The following KCNA7 variants were observed in gnomAD, a reference collection of about 807,000 sequenced individuals.
KCNA7 encodes potassium voltage-gated channel subfamily A member 7.
Under a neutral mutation model 21.5 loss-of-function variants are expected in KCNA7, and 15 were observed. That is an observed-to-expected ratio of 0.70 (90% confidence interval 0.47 to 1.07). KCNA7 has a LOEUF of 1.07. Among genes scored for constraint, KCNA7 ranks in the 50% least tolerant of loss-of-function variants. The pLI is 0.00. For synonymous variants in KCNA7, 298 were observed against 291.0 expected (o/e 1.02, Z -0.24); for missense variants, 640 against 651.6 (o/e 0.98, Z 0.19).
In KCNA7 at chr19:49,072,062, G is replaced by C. The variant is rs769999721; in HGVS notation, c.524C>G (p.Thr175Arg). Residue 175 changes from threonine (T) to arginine (R), a missense_variant, in exon 1 of 2, where the codon ACG (threonine) becomes AGG (arginine). Transcript: ENST00000221444. The part of the protein sequence containing the change: ...LPDFRDDRDG[T>R]GLAAAAAAGP... ...GGCTGCGGCTGCAGCAGCAAGCCCC[G>C]TGCCGTCGCGGTCGTCGCGGAAGTC... 44 of 1,608,436 alleles carry C rather than the reference G, an allele frequency of 2.7e-5. No homozygotes were observed. The highest frequency in any genetic ancestry group is 3.5e-5 in the Non-Finnish European group (41 of 1,178,432).
chr19:49,070,222 C>A lies in KCNA7; in HGVS notation c.1212G>T (p.Glu404Asp). Residue 404 changes from glutamate to aspartate, a missense_variant, in exon 2 of 2, where the codon GAG (glutamate) becomes GAT (aspartate). Transcript: ENST00000221444. This position sits in a 1 kb window ranked among gnomAD's most constrained non-coding sequence, Gnocchi z 4.3. ...VSNFSYFYHR[E>D]TEGEEAGMFS... Reference sequence around the variant, plus strand: ...ACATCCCAGCCTCTTCGCCCTCTGTCTCCCGGTGATAAAAGTAGCTGAAAT... The same window carrying A: ...ACATCCCAGCCTCTTCGCCCTCTGTATCCCGGTGATAAAAGTAGCTGAAAT... 6.2e-7 allele frequency: 1 copy of A among 1,614,238 alleles called. No homozygotes were observed. Among genetic ancestry groups the A allele is most frequent in the Non-Finnish European group, 8.5e-7 (1 of 1,180,046 alleles).
Position 49,069,736 on chromosome 19 carries a change from G to A in KCNA7, c.*327C>T, listed in dbSNP as rs2040242722. On this transcript the variant is annotated 3_prime_UTR_variant, in exon 2 of 2. Coordinates refer to ENST00000221444, the MANE Select transcript of KCNA7 (RefSeq NM_031886.3). Reference sequence around the variant, plus strand: ...CCCAACCAAACCCAACACTGACCTAGGAAACTCACAAAATGATACGACCAA... The same window carrying A: ...CCCAACCAAACCCAACACTGACCTAAGAAACTCACAAAATGATACGACCAA... The A allele has an allele frequency of 3.5e-6, 1 of 289,064 alleles. No individual in the cohort carries two copies. Among genetic ancestry groups the A allele is most frequent in the African/African-American group, 2.2e-5 (1 of 45,922 alleles). 17.9% of individuals were successfully genotyped at this position (289,064 alleles called of 1,614,324 possible).
intron 1 of KCNA7, among the ~76,000 whole-genome samples, chr19:49,071,748 C>A (rs2040258835): frequency 6.6e-6 from 1 of 152,094 alleles, no homozygotes; most frequent in Non-Finnish European, 1.5e-5. Flanking sequence ...TCAGGCTCTC[C>A]TTGGCCCCCC....
At position 49,072,061 on chromosome 19, in the gene KCNA7, C is replaced by G. The variant is rs748689298; in HGVS notation, c.525G>C (p.Thr175=). ...LPDFRDDRDG[T]GLAAAAAAGP... The stretch of plus-strand genomic sequence containing the variant: ...CGGCTGCGGCTGCAGCAGCAAGCCC[C>G]GTGCCGTCGCGGTCGTCGCGGAAGT... Residue 175 remains threonine (T), a synonymous_variant, in exon 1 of 2, where the codon ACG becomes ACC. Coordinates refer to ENST00000221444, the MANE Select transcript of KCNA7 (RefSeq NM_031886.3). The G allele has an allele frequency of 6.2e-6, 10 of 1,608,264 alleles. No individual in the cohort carries two copies. The highest frequency in any genetic ancestry group is 2.2e-5 in the South Asian group (2 of 90,750).
Position 49,072,252 on chromosome 19 carries a change from A to T in KCNA7, c.334T>A (p.Cys112Ser). ...AGGGGGCGCTCGGGCGGCACCGGGC[A>T]GCCCTCGTCCTCGCGCAGGCGTGCC... ...ALARLREDEG[C>S]PVPPERPLPR... The change falls in exon 1 of 2, where the codon TGC becomes AGC. Residue 112 changes from cysteine to serine, a missense_variant. Coordinates refer to ENST00000221444, the MANE Select transcript of KCNA7 (RefSeq NM_031886.3). 1 of 1,587,792 alleles carries T rather than the reference A, an allele frequency of 6.3e-7. No homozygotes were observed. Among genetic ancestry groups the T allele is most frequent in the East Asian group, 2.3e-5 (1 of 43,492 alleles).
chr19:49,072,408 G>A lies in KCNA7; in HGVS notation c.178C>T (p.Arg60Trp), dbSNP rs780734696. 32 of 1,583,232 alleles carry A rather than the reference G, an allele frequency of 2.0e-5. No individual in the cohort carries two copies. Among genetic ancestry groups the A allele is most frequent in the Non-Finnish European group, 2.5e-5 (29 of 1,171,838 alleles). ...DDARREYFFD[R>W]HRPSFDAVLY... Reference sequence around the variant, plus strand: ...ACGGCGTCGAAGCTGGGCCGGTGCCGGTCGAAGAAATACTCGCGGCGCGCG... The same window carrying A: ...ACGGCGTCGAAGCTGGGCCGGTGCCAGTCGAAGAAATACTCGCGGCGCGCG... The change falls in exon 1 of 2, where the codon CGG (arginine) becomes TGG (tryptophan). Residue 60 changes from arginine (R) to tryptophan (W), a missense_variant. Transcript: ENST00000221444.
At position 49,072,466 on chromosome 19, in the gene KCNA7, C is replaced by G; in HGVS notation, c.120G>C (p.Gly40=). ...AGAAGCGGCCGCGGCGCGCTGGGTC[C>G]CCTAGCAGAGTGTCCGGGAAGCGGC... The part of the protein sequence containing the change: ...TLGRFPDTLL[G]DPARRGRFYD... The change falls in exon 1 of 2, where the codon GGG becomes GGC. Residue 40 remains glycine, a synonymous_variant. Transcript: ENST00000221444. 8 of 1,564,344 alleles carry G rather than the reference C, an allele frequency of 5.1e-6. No individual in the cohort carries two copies. Among genetic ancestry groups the G allele is most frequent in the Non-Finnish European group, 6.9e-6 (8 of 1,165,114 alleles).
In KCNA7 at chr19:49,072,365, GA is replaced by G. The variant is rs751259765; in HGVS notation, c.220del (p.Ser74ProfsTer74). The G allele has an allele frequency of 1.4e-5, 22 of 1,594,228 alleles. No individual in the cohort carries two copies. In the Admixed American group the frequency reaches 1.9e-4, roughly 14 times the overall value. On this transcript the variant is annotated frameshift_variant, in exon 1 of 2. Coordinates refer to ENST00000221444, the MANE Select transcript of KCNA7 (RefSeq NM_031886.3). LOFTEE classifies it high-confidence loss of function. ...CGCCGGCCGCCGCAGCCGCCCACCG[GA>G]CTGGTAGTAGTAGAGCACGGCGTCG... is the stretch of plus-strand genomic sequence containing the variant. ...SFDAVLYYYQSGGRLRRPAHV... is the reference protein window; with the variant it reads ...SFDAVLYYYQXGGRLRRPAHV...
rs777084632 is a variant in KCNA7, at chr19:49,070,158, C to T, written c.1276G>A (p.Gly426Ser). Reference sequence around the variant, plus strand: ...TCCACCAGCCCCCCATTGGCCTTGCCCTCCAGTGGGCCACAAGGCTGCATG... The same window carrying T: ...TCCACCAGCCCCCCATTGGCCTTGCTCTCCAGTGGGCCACAAGGCTGCATG... ...VDMQPCGPLEGKANGGLVDGE... is the reference protein window; with the variant it reads ...VDMQPCGPLESKANGGLVDGE... The change falls in exon 2 of 2, where the codon GGC becomes AGC. Residue 426 changes from glycine to serine, a missense_variant. Coordinates refer to ENST00000221444, the MANE Select transcript of KCNA7 (RefSeq NM_031886.3). This position sits in a 1 kb window ranked among gnomAD's most constrained non-coding sequence, Gnocchi z 4.3. 4 of 1,614,060 alleles carry T rather than the reference C, an allele frequency of 2.5e-6. No homozygotes were observed. The Admixed American group carries it at 5.0e-5, about 20-fold the overall frequency.
rs550411591 is a variant in KCNA7, at chr19:49,067,976, T to G, written c.*2087A>C. ...GTGCAGTGGCGCAATCTCGGCTCAC[T>G]GCAAGCTCCGCCTCCCAGGTTCATG... On this transcript the variant is annotated 3_prime_UTR_variant, in exon 2 of 2. Coordinates refer to ENST00000221444, the MANE Select transcript of KCNA7 (RefSeq NM_031886.3). 1.3e-5 allele frequency: 2 copies of G among 151,844 alleles called. No individual in the cohort carries two copies. Among genetic ancestry groups the G allele is most frequent in the Admixed American group, 1.3e-4 (2 of 15,238 alleles). The allele number at this position is 151,844 out of a possible 1,614,324, so 9.4% of individuals were successfully genotyped here.
rs541248038 is a variant in KCNA7 at position 49,070,212 on chromosome 19, C to T, written c.1222G>A (p.Glu408Lys). 2.3e-5 allele frequency: 37 copies of T among 1,614,250 alleles called. No individual in the cohort carries two copies. Among genetic ancestry groups the T allele is most frequent in the East Asian group, 2.0e-4 (9 of 44,890 alleles). Residue 408 changes from glutamate to lysine, a missense_variant, in exon 2 of 2, where the codon GAA becomes AAA. Glu to Lys is a moderately conservative substitution (Grantham distance 56). Coordinates refer to ENST00000221444, the MANE Select transcript of KCNA7 (RefSeq NM_031886.3). The surrounding 1 kb of genome is among the most constrained non-coding windows in gnomAD (Gnocchi z 4.3). ...ACATGGCTGAACATCCCAGCCTCTTCGCCCTCTGTCTCCCGGTGATAAAAG... is the reference window on the plus strand; with the variant it reads ...ACATGGCTGAACATCCCAGCCTCTTTGCCCTCTGTCTCCCGGTGATAAAAG... Reference protein sequence around the residue: ...SYFYHRETEGEEAGMFSHVDM... With the variant: ...SYFYHRETEGKEAGMFSHVDM...
In KCNA7 at chr19:49,072,363, C is replaced by G; in HGVS notation, c.223G>C (p.Gly75Arg). 1.3e-6 allele frequency: 2 copies of G among 1,594,940 alleles called. No homozygotes were observed. The highest frequency in any genetic ancestry group is 1.7e-6 in the Non-Finnish European group (2 of 1,175,404). ...FDAVLYYYQS[G>R]GRLRRPAHVP... ...TGCGCCGGCCGCCGCAGCCGCCCACCGGACTGGTAGTAGTAGAGCACGGCG... is the reference window on the plus strand; with the variant it reads ...TGCGCCGGCCGCCGCAGCCGCCCACGGGACTGGTAGTAGTAGAGCACGGCG... The change falls in exon 1 of 2, where the codon GGT becomes CGT. Residue 75 changes from glycine (G) to arginine (R), a missense_variant. By Grantham distance (125) the Gly-to-Arg change is moderately radical. Coordinates refer to ENST00000221444, the MANE Select transcript of KCNA7 (RefSeq NM_031886.3).
In KCNA7 at chr19:49,072,156, C is replaced by A; in HGVS notation, c.430G>T (p.Val144Leu). The A allele has an allele frequency of 3.1e-6, 5 of 1,612,218 alleles. No individual in the cohort carries two copies. The highest frequency in any genetic ancestry group is 4.2e-6 in the Non-Finnish European group (5 of 1,179,652). ...EFPESSQAAR[V>L]LAVVSVLVIL... The stretch of plus-strand genomic sequence containing the variant: ...ACCAGCACGGAGACTACGGCGAGCA[C>A]GCGCGCGGCCTGAGAGCTCTCGGGA... Residue 144 changes from valine (V) to leucine (L), a missense_variant, in exon 1 of 2, where the codon GTG becomes TTG. Physicochemically the swap from Val to Leu is conservative, Grantham distance 32. Transcript: ENST00000221444.
chr19:49,070,683 G>T lies in KCNA7; in HGVS notation c.751C>A (p.Leu251Ile). ...VMNLIDFVAI[L>I]PYFVALGTEL... ...GTGCCCAGTGCCACAAAGTAGGGAA[G>T]GATAGCCACAAAATCGATGAGGTTC... The change falls in exon 2 of 2, where the codon CTT becomes ATT. Residue 251 changes from leucine (L) to isoleucine (I), a missense_variant. Physicochemically the swap from Leu to Ile is conservative, Grantham distance 5 (BLOSUM62 2). Transcript: ENST00000221444. The surrounding 1 kb of genome is among the most constrained non-coding windows in gnomAD (Gnocchi z 4.3). 1 of 1,614,160 alleles carries T rather than the reference G, an allele frequency of 6.2e-7. No homozygotes were observed. Among genetic ancestry groups the T allele is most frequent in the Non-Finnish European group, 8.5e-7 (1 of 1,180,034 alleles).
Position 49,070,070 on chromosome 19 carries a change from T to G in KCNA7, c.1364A>C (p.Glu455Ala), listed in dbSNP as rs889215599. 3.7e-6 allele frequency: 6 copies of G among 1,603,410 alleles called. No individual in the cohort carries two copies. Among genetic ancestry groups the G allele is most frequent in the African/African-American group, 2.7e-5 (2 of 74,372 alleles). ...WAPPGKHLVTEV is the reference protein window; with the variant it reads ...WAPPGKHLVTAV ...GCAGACCTCAACTGTTCCTCACACT[T>G]CGGTGACCAGGTGTTTCCCTGGGGG... Residue 455 changes from glutamate (E) to alanine (A), a missense_variant, in exon 2 of 2, where the codon GAA becomes GCA. Physicochemically the swap from Glu to Ala is moderately radical, Grantham distance 107. Transcript: ENST00000221444. The surrounding 1 kb of genome is among the most constrained non-coding windows in gnomAD (Gnocchi z 4.3).
Position 49,070,530 on chromosome 19 carries a change from C to T in KCNA7, c.904G>A (p.Gly302Ser), listed in dbSNP as rs779513467. The change falls in exon 2 of 2, where the codon GGC (glycine) becomes AGC (serine). Residue 302 changes from glycine (G) to serine (S), a missense_variant. Transcript: ENST00000221444. This position sits in a 1 kb window ranked among gnomAD's most constrained non-coding sequence, Gnocchi z 4.3. ...SRHSKGLQIL[G>S]QTLRASMREL... ...CGCATGGAGGCCCGAAGCGTCTGGC[C>T]CAAGATTTGCAGGCCCTTTGAGTGC... The T allele has an allele frequency of 1.9e-6, 3 of 1,614,050 alleles. No individual in the cohort carries two copies. The highest frequency in any genetic ancestry group is 1.1e-5 in the South Asian group (1 of 91,086).
At position 49,070,938 on chromosome 19, in the gene KCNA7, T is replaced by C. The variant is rs2040253581; in HGVS notation, c.556-60A>G. The C allele has an allele frequency of 4.3e-6, 6 of 1,388,198 alleles. No individual in the cohort carries two copies. The allele number at this position is 1,388,198 out of a possible 1,614,324, so 86.0% of individuals were successfully genotyped here. On this transcript the variant is annotated intron_variant, in intron 1 of 1. Transcript: ENST00000221444. This position sits in a 1 kb window ranked among gnomAD's most constrained non-coding sequence, Gnocchi z 4.3. ...TGGGGCTAGGACACGGGGACAGCCT[T>C]AATCATCATTTAAATACCCAGCTCC...
At position 49,072,634 on chromosome 19, in the gene KCNA7, CCGGCCCCGGTG is replaced by C. The variant is rs1175759169; in HGVS notation, c.-60_-50del. The C allele has an allele frequency of 9.3e-7, 1 of 1,078,564 alleles. No homozygotes were observed. Among genetic ancestry groups the C allele is most frequent in the East Asian group, 6.0e-5 (1 of 16,750 alleles). 66.8% of individuals were successfully genotyped at this position (1,078,564 alleles called of 1,614,324 possible). A position where few individuals can be genotyped will look rare whatever the true frequency, so the allele number is the denominator to read the frequency against. ...GCGAACCGACGTGTGGCCCCGACGC[CCGGCCCCGGTG>C]CGGCCCCGCCTCGGCCGCCTCGGCC... On this transcript the variant is annotated 5_prime_UTR_variant, in exon 1 of 2. Transcript: ENST00000221444.
rs1016769988 is a variant in KCNA7, at chr19:49,068,880, G to A, written c.*1183C>T. The stretch of plus-strand genomic sequence containing the variant: ...TTTCCCTTGTGGCTCTGACCTCCAT[G>A]TCTGAGCATAAAACTGTAGGGGAGA... On this transcript the variant is annotated 3_prime_UTR_variant, in exon 2 of 2. Coordinates refer to ENST00000221444, the MANE Select transcript of KCNA7 (RefSeq NM_031886.3). 1 of 152,118 alleles carries A rather than the reference G, an allele frequency of 6.6e-6. No individual in the cohort carries two copies. Among genetic ancestry groups the A allele is most frequent in the African/African-American group, 2.4e-5 (1 of 41,376 alleles). 9.4% of individuals were successfully genotyped at this position (152,118 alleles called of 1,614,324 possible).
Sources: gnomAD v4.1 joint callset for allele counts (sites outside exome capture counted in the v4.1 genomes callset) on GRCh38, gnomAD v4.1.1 for gene constraint, Gnocchi (gnomAD v3.1) non-coding constraint, MANE v1.5 for transcripts, NCBI Gene and HGNC (gene_info 2026-07-23, HGNC 2026-07-21) for gene names.